The following MALRD1 variants were observed in gnomAD, a reference collection of about 807,000 sequenced individuals.
The protein encoded by MALRD1 is MAM and LDL receptor class A domain containing 1, also known as MAM and LDL-receptor class A domain-containing protein 1.
In MALRD1, 247 loss-of-function variants were observed where a neutral mutation model predicts 242.1. The ratio of observed to expected loss-of-function variants is 1.02; its 90% CI spans 0.92 to 1.13. The LOEUF (loss-of-function observed/expected upper bound fraction) is 1.13, where lower values mean the gene tolerates loss of function less well. MALRD1 is among the 50% of genes most tolerant of loss of function. MALRD1 has a pLI of 0.00. For synonymous variants in MALRD1, 995 were observed against 866.6 expected (o/e 1.15, Z -2.60); for missense variants, 2,989 against 2,533.1 (o/e 1.18, Z -3.86).
Position 19,112,378 on chromosome 10 carries a change from C to T in MALRD1, c.694+8303C>T, listed in dbSNP as rs542999237. On this transcript the variant is annotated intron_variant, in intron 5 of 39. Coordinates refer to ENST00000454679, the MANE Select transcript of MALRD1 (RefSeq NM_001142308.3). ...TTCAGCATCTTCTGGACATCGTCAT[C>T]AGAAAATCCTATACCTATGGAGGAT... 2.6e-5 allele frequency among the ~76,000 whole-genome samples: 4 copies of T among 152,108 alleles called. No homozygotes were observed. In the South Asian group the frequency reaches 8.3e-4, roughly 32 times the overall value.
rs547455055 is a variant in MALRD1, at chr10:19,703,182, A to G, written c.6314+10628A>G. Among the ~76,000 whole-genome samples the G allele has an allele frequency of 9.2e-5, 14 of 152,322 alleles. No individual in the cohort carries two copies. The South Asian group carries it at 2.7e-3, about 29-fold the overall frequency. ...TGTCTCACAGAGCTCAAGGGTGGGAATGAATGAGTGGGGCCTCAGAAAGGC... is the reference window on the plus strand; with the variant it reads ...TGTCTCACAGAGCTCAAGGGTGGGAGTGAATGAGTGGGGCCTCAGAAAGGC... On this transcript the variant is annotated intron_variant, in intron 38 of 39. Transcript: ENST00000454679.
intron 14 of MALRD1, among the ~76,000 whole-genome samples, chr10:19,175,706 C>T (rs1417430231): frequency 6.6e-6 from 1 of 151,796 alleles, no homozygotes; most frequent in African/African-American, 2.4e-5. Flanking sequence ...ATTCATATTT[C>T]AGGATCACCC....
At chr10:19,695,851 G>A (rs1202146925) in intron 38 of MALRD1, among the ~76,000 whole-genome samples, 1 of 152,016 alleles carries the variant, frequency 6.6e-6, no homozygotes, top group Non-Finnish European at 1.5e-5. Context: ...ATGGCAGCAG[G>A]CAAGAGAGCT....
chr10:19,692,318 C>G lies in MALRD1; in HGVS notation c.6174C>G (p.Ile2058Met). ...GCTGGAAAGGAAATCGATGCCATAT[C>G]AAGTTTAATCCTCCTGCTACAGACT... ...RQGWKGNRCH[I>M]KFNPPATDFT... is the part of the protein sequence containing the mutation. The change falls in exon 37 of 40, where the codon ATC becomes ATG. Residue 2058 changes from isoleucine (I) to methionine (M), a missense_variant. Physicochemically the swap from Ile to Met is conservative, Grantham distance 10 (BLOSUM62 1). Coordinates refer to ENST00000454679, the MANE Select transcript of MALRD1 (RefSeq NM_001142308.3). The G allele has an allele frequency of 1.3e-6, 2 of 1,535,162 alleles. No homozygotes were observed. The highest frequency in any genetic ancestry group is 2.4e-5 in the East Asian group (1 of 40,852).
At chr10:19,164,273 T>G (rs1834572364) in intron 12 of MALRD1, among the ~76,000 whole-genome samples, 1 of 152,062 alleles carries the variant, frequency 6.6e-6, no homozygotes, top group South Asian at 2.1e-4. Context: ...AAATGAACAA[T>G]TTTTTTAAAA....
intron 27 of MALRD1, 83 bp downstream of exon 27, chr10:19,387,856 G>A (rs1440683306): frequency 3.5e-6 from 5 of 1,447,582 alleles, no homozygotes; most frequent in Non-Finnish European, 3.7e-6. Flanking sequence ...CAACTGGGGA[G>A]CTCTGAAGAG....
chr10:19,619,089 C>T lies in MALRD1; in HGVS notation c.6137+3166C>T, dbSNP rs150074897. Among the ~76,000 whole-genome samples the T allele has an allele frequency of 2.0e-3, 312 of 152,202 alleles. 2 individuals are homozygous for T. The highest frequency in any genetic ancestry group is 6.2e-3 in the African/African-American group (256 of 41,554). The stretch of plus-strand genomic sequence containing the variant: ...CATTCAGATTTTATTTGGTTATCTC[C>T]TAGCCATCACGAATTTCACGTGTTC... On this transcript the variant is annotated intron_variant, in intron 36 of 39. Coordinates refer to ENST00000454679, the MANE Select transcript of MALRD1 (RefSeq NM_001142308.3).
intron 33 of MALRD1, among the ~76,000 whole-genome samples, chr10:19,582,299 T>C (rs977355065): frequency 4.6e-5 from 7 of 151,684 alleles, no homozygotes; most frequent in Non-Finnish European, 8.8e-5. Context: ...TCCTTGCCCA[T>C]GCCTATGTCC....
chr10:19,053,074 C>T (rs780057070), intron 1 of MALRD1, among the ~76,000 whole-genome samples: 32 of 152,284 alleles, frequency 2.1e-4, no homozygotes, highest in Non-Finnish European at 4.0e-4. Context: ...ATTGGGTCCT[C>T]AGCCCTGCCA....
intron 31 of MALRD1, among the ~76,000 whole-genome samples, chr10:19,506,663 A>G (rs1833159220): frequency 6.6e-6 from 1 of 152,126 alleles, no homozygotes; most frequent in Admixed American, 6.5e-5. Flanking sequence ...CATAAAATAT[A>G]TTTTCTATTG....
chr10:19,124,698 T>G (rs1443776152), intron 7 of MALRD1, 28 bp downstream of exon 7: 2 of 1,232,296 alleles, frequency 1.6e-6, no homozygotes, highest in African/African-American at 1.6e-5. Flanking sequence ...ATCTTTTATG[T>G]ATTACTTTCA....
chr10:19,387,062 T>C (rs1183511237), intron 26 of MALRD1, among the ~76,000 whole-genome samples: 1 of 152,172 alleles, frequency 6.6e-6, no homozygotes, highest in Non-Finnish European at 1.5e-5. Context: ...TCTAAGGAGG[T>C]ATCTTACATA....
At chr10:19,386,596 C>G (rs1010568564) in intron 26 of MALRD1, among the ~76,000 whole-genome samples, 1 of 152,028 alleles carries the variant, frequency 6.6e-6, no homozygotes, top group Non-Finnish European at 1.5e-5. Flanking sequence ...TAACCTCATT[C>G]CAAAGCACTT....
chr10:19,288,534 C>G lies in MALRD1; in HGVS notation c.3419+5353C>G, dbSNP rs527838312. ...TTTTTCCTTGTTCATTTGCTCCTCA[C>G]ATATACATGGTAATAATTATTTTAA... On this transcript the variant is annotated intron_variant, in intron 21 of 39. Transcript: ENST00000454679. Among the ~76,000 whole-genome samples the G allele has an allele frequency of 7.9e-5, 12 of 152,156 alleles. 1 individual carries two copies. In the South Asian group the frequency reaches 2.5e-3, roughly 32 times the overall value.
At chr10:19,215,640 T>G (rs1369438283) in intron 18 of MALRD1, among the ~76,000 whole-genome samples, 1 of 152,180 alleles carries the variant, frequency 6.6e-6, no homozygotes, top group African/African-American at 2.4e-5. Flanking sequence ...TTTACATTGC[T>G]CTGCTAGGGG....
intron 4 of MALRD1, among the ~76,000 whole-genome samples, chr10:19,099,980 C>G (rs1222915609): frequency 2.0e-5 from 3 of 152,014 alleles, no homozygotes; most frequent in Non-Finnish European, 4.4e-5. Context: ...AGGTTAGTCT[C>G]GAACTCCTGA....
chr10:19,300,287 C>G (rs566948714), intron 21 of MALRD1, among the ~76,000 whole-genome samples: 1 of 151,930 alleles, frequency 6.6e-6, no homozygotes, highest in Non-Finnish European at 1.5e-5. Context: ...AATGGCTATA[C>G]TGCCCAAAGC....
At chr10:19,692,431 A>T in intron 37 of MALRD1, 27 bp from the exon 38 acceptor site, 1 of 1,532,812 alleles carries the variant, frequency 6.5e-7, no homozygotes. Flanking sequence ...CTGCATATTT[A>T]TCTTTTTCTT....
At chr10:19,517,737 C>T (rs1431636618) in intron 31 of MALRD1, among the ~76,000 whole-genome samples, 1 of 151,972 alleles carries the variant, frequency 6.6e-6, no homozygotes, top group South Asian at 2.1e-4. Context: ...AGTAATTGTT[C>T]GAATAAAATC....
Sources: gnomAD v4.1 joint callset for allele counts (sites outside exome capture counted in the v4.1 genomes callset) on GRCh38, gnomAD v4.1.1 for gene constraint, MANE v1.5 for transcripts, NCBI Gene and HGNC (gene_info 2026-07-23, HGNC 2026-07-21) for gene names.